The following MTMR12 variants were observed in gnomAD, a reference collection of about 807,000 sequenced individuals.
MTMR12 encodes myotubularin-related protein 12.
In MTMR12, 33 loss-of-function variants were observed where a neutral mutation model predicts 96.7. That is an observed-to-expected ratio of 0.34 (90% confidence interval 0.26 to 0.46). The LOEUF is 0.46. Ranked by LOEUF, MTMR12 falls within the 20% of genes least tolerant of loss-of-function variation. MTMR12 has a pLI of 1.00. For missense variants in MTMR12, 721 were observed against 896.1 expected (o/e 0.80, Z 2.49); for synonymous variants, 298 against 327.2 (o/e 0.91, Z 0.96).
intron 8 of MTMR12, among the ~76,000 whole-genome samples, chr5:32,250,826 AT>A (rs1748888099): frequency 6.6e-6 from 1 of 152,144 alleles, no homozygotes. Flanking sequence ...CTCCCTTACT[AT>A]TCTCTGCGTG....
At chr5:32,285,076 G>C (rs752804452) in intron 1 of MTMR12, among the ~76,000 whole-genome samples, 3 of 152,198 alleles carry the variant, frequency 2.0e-5, no homozygotes, top group South Asian at 4.1e-4. Flanking sequence ...CAGAAGCATG[G>C]GCCAGGCACA....
intron 7 of MTMR12, among the ~76,000 whole-genome samples, chr5:32,260,138 G>A (rs1749304868): frequency 6.6e-6 from 1 of 151,484 alleles, no homozygotes; most frequent in South Asian, 2.1e-4. Flanking sequence ...CTTCCAGACA[G>A]GAGCCTGTGG....
intron 6 of MTMR12, 105 bp from the exon 7 acceptor site, chr5:32,263,347 AT>A: frequency 7.4e-7 from 1 of 1,344,070 alleles, no homozygotes; most frequent in Non-Finnish European, 1.0e-6. Context: ...CACTAAGCCC[AT>A]TTTTATCCAA....
intron 1 of MTMR12, among the ~76,000 whole-genome samples, chr5:32,285,285 G>C (rs1485273188): frequency 1.3e-5 from 2 of 151,582 alleles, no homozygotes; most frequent in African/African-American, 4.9e-5. Flanking sequence ...TTGAACCTGG[G>C]AGACGGAGGT....
chr5:32,302,664 C>A (rs967541252), intron 1 of MTMR12, among the ~76,000 whole-genome samples: 1 of 151,348 alleles, frequency 6.6e-6, no homozygotes, highest in African/African-American at 2.4e-5. Context: ...TTGCAGTGAG[C>A]CAAGATCATG....
At chr5:32,305,480 A>T (rs558270988) in intron 1 of MTMR12, among the ~76,000 whole-genome samples, 1 of 152,230 alleles carries the variant, frequency 6.6e-6, no homozygotes, top group South Asian at 2.1e-4. Context: ...TCTGTTTAAG[A>T]CAAGCCAATC....
At chr5:32,254,045 C>A (rs376505969) in intron 8 of MTMR12, among the ~76,000 whole-genome samples, 1 of 152,206 alleles carries the variant, frequency 6.6e-6, no homozygotes, top group African/African-American at 2.4e-5. Context: ...TCATATACTG[C>A]AGGGATGGAG....
At chr5:32,235,610 G>A (rs1362830584) in intron 13 of MTMR12, among the ~76,000 whole-genome samples, 1 of 152,196 alleles carries the variant, frequency 6.6e-6, no homozygotes, top group Non-Finnish European at 1.5e-5. Context: ...CTAACTGACA[G>A]GGTTTGATCT....
intron 1 of MTMR12, among the ~76,000 whole-genome samples, chr5:32,296,932 CT>C (rs1429450799): frequency 6.6e-5 from 10 of 151,914 alleles, no homozygotes; most frequent in African/African-American, 2.4e-4. Flanking sequence ...GAAACCCCGT[CT>C]CTACTAAAAA....
intron 10 of MTMR12, 89 bp from the exon 11 acceptor site, chr5:32,243,688 C>T: frequency 1.3e-6 from 1 of 774,160 alleles, no homozygotes; most frequent in East Asian, 2.5e-5. Context: ...CTGTGTCATT[C>T]AGATTAACAG....
At chr5:32,254,954 T>C (rs1044776603) in intron 8 of MTMR12, among the ~76,000 whole-genome samples, 2 of 152,244 alleles carry the variant, frequency 1.3e-5, no homozygotes, top group African/African-American at 4.8e-5. Context: ...TGGCATATAC[T>C]GCCTAGCACT....
At chr5:32,310,491 C>T (rs887853599) in intron 1 of MTMR12, among the ~76,000 whole-genome samples, 2 of 152,168 alleles carry the variant, frequency 1.3e-5, no homozygotes, top group African/African-American at 4.8e-5. Flanking sequence ...AAGATCCTGT[C>T]ATTTGTAACA....
chr5:32,311,654 G>A (rs2111562210), intron 1 of MTMR12, among the ~76,000 whole-genome samples: 1 of 152,274 alleles, frequency 6.6e-6, no homozygotes, highest in South Asian at 2.1e-4. Flanking sequence ...AAGAACTATT[G>A]CTCAAGAAGC....
intron 15 of MTMR12, among the ~76,000 whole-genome samples, chr5:32,230,792 C>T (rs1747965032): frequency 6.6e-6 from 1 of 152,242 alleles, no homozygotes; most frequent in South Asian, 2.1e-4. Context: ...CTGTTAACCA[C>T]TACAATCTTC....
At chr5:32,309,668 G>A (rs752331426) in intron 1 of MTMR12, 3 of 152,028 alleles carry the variant, frequency 2.0e-5, no homozygotes, top group Non-Finnish European at 2.9e-5. Flanking sequence ...ATGAGTGCTC[G>A]CTTCAGCATC....
At chr5:32,275,236 C>G (rs185847916) in intron 2 of MTMR12, among the ~76,000 whole-genome samples, 2 of 152,048 alleles carry the variant, frequency 1.3e-5, no homozygotes, top group Non-Finnish European at 1.5e-5. Flanking sequence ...AAGGAAATAC[C>G]GGAAGATGGC....
Position 32,279,172 on chromosome 5 carries a change from C to T in MTMR12, c.82-2430G>A, listed in dbSNP as rs575578245. 7.4e-5 allele frequency among the ~76,000 whole-genome samples: 11 copies of T among 148,538 alleles called. No homozygotes were observed. In the South Asian group the frequency reaches 1.7e-3, roughly 23 times the overall value. The stretch of plus-strand genomic sequence containing the variant: ...CTACAATCCCAACACTTTGGGAGGC[C>T]GAGGTGGGAGGACTGCTTGAGCCCA... On this transcript the variant is annotated intron_variant, in intron 1 of 15. Coordinates refer to ENST00000382142, the MANE Select transcript of MTMR12 (RefSeq NM_001040446.3).
intron 1 of MTMR12, among the ~76,000 whole-genome samples, chr5:32,277,293 A>G (rs1750092986): frequency 6.6e-6 from 1 of 152,242 alleles, no homozygotes; most frequent in Non-Finnish European, 1.5e-5. Context: ...ACTGATAACT[A>G]GTAGCTGTCC....
chr5:32,244,356 G>A (rs1319307984), intron 10 of MTMR12, among the ~76,000 whole-genome samples: 1 of 152,018 alleles, frequency 6.6e-6, no homozygotes, highest in Non-Finnish European at 1.5e-5. Context: ...TTGGGAGGCG[G>A]AGGTGGGCGC....
Sources: gnomAD v4.1 joint callset for allele counts (sites outside exome capture counted in the v4.1 genomes callset) on GRCh38, gnomAD v4.1.1 for gene constraint, MANE v1.5 for transcripts, NCBI Gene and HGNC (gene_info 2026-07-23, HGNC 2026-07-21) for gene names.